TGS1: variants seen among roughly 807,000 people sequenced by gnomAD.
The protein encoded by TGS1 is trimethylguanosine synthase 1, also known as trimethylguanosine synthase.
Under a neutral mutation model 92.2 loss-of-function variants are expected in TGS1, and 69 were observed. The ratio of observed to expected loss-of-function variants is 0.75; its 90% CI spans 0.62 to 0.91. The LOEUF is 0.91. Among genes scored for constraint, TGS1 ranks in the 40% least tolerant of loss-of-function variants. The pLI is 0.00. For missense variants in TGS1, 1,062 were observed against 1,001.2 expected, an observed-to-expected ratio of 1.06 and a Z score of -0.82; for synonymous variants, 345 against 338.1, an observed-to-expected ratio of 1.02 and a Z score of -0.22.
At chr8:55,782,855 A>G (rs1811605203) in intron 2 of TGS1, 43 bp downstream of exon 2, 3 of 1,291,300 alleles carry the variant, frequency 2.3e-6, no homozygotes, top group Non-Finnish European at 3.3e-6. Context: ...TGCTGAAATT[A>G]GCCATAATGT....
intron 8 of TGS1, 88 bp downstream of exon 8, chr8:55,799,308 CTTCTG>C (rs1812154211): frequency 8.1e-7 from 1 of 1,241,518 alleles, no homozygotes; most frequent in African/African-American, 1.5e-5. Context: ...ACTTGTGAAT[CTTCTG>C]TACCTAAGGA....
intron 5 of TGS1, among the ~76,000 whole-genome samples, chr8:55,791,638 C>T (rs973301225): frequency 6.6e-6 from 1 of 152,190 alleles, no homozygotes; most frequent in Non-Finnish European, 1.5e-5. Flanking sequence ...AAACAACGTG[C>T]GTGACCTCTC....
chr8:55,812,604 T>C (rs1803368138), intron 11 of TGS1, among the ~76,000 whole-genome samples: 1 of 151,934 alleles, frequency 6.6e-6, no homozygotes, highest in Non-Finnish European at 1.5e-5. Context: ...TGAGGATCTC[T>C]TGAACCCAGG....
rs1040682059 is a variant in TGS1 at position 55,814,674 on chromosome 8, A to AATATAT, written c.2439+1575_2439+1580dup. Reference sequence around the variant, plus strand: ...CGTCTCTACTTAAAAAAAAAAAAAAAATATATATATATATATATATATATG... The same window carrying AATATAT: ...CGTCTCTACTTAAAAAAAAAAAAAAAATATATATATATATATATATATATATATATG... On this transcript the variant is annotated intron_variant, in intron 12 of 12. Transcript: ENST00000260129. 8.9e-4 allele frequency among the ~76,000 whole-genome samples: 110 copies of AATATAT among 123,328 alleles called. No homozygotes were observed. In the East Asian group the frequency reaches 0.013, roughly 15 times the overall value. 80.9% of individuals were successfully genotyped at this position (123,328 alleles called of 152,430 possible). A position where few individuals can be genotyped will look rare whatever the true frequency, so the allele number is the denominator to read the frequency against.
At position 55,799,162 on chromosome 8, in the gene TGS1, A is replaced by G. The variant is rs143298001; in HGVS notation, c.1791A>G (p.Pro597=). 1,951 of 1,614,220 alleles carry G rather than the reference A, an allele frequency of 1.2e-3. 3 individuals carry two copies. The highest frequency in any genetic ancestry group is 1.5e-3 in the Non-Finnish European group (1,824 of 1,180,024). Residue 597 remains proline, a synonymous_variant, in exon 8 of 13, where the codon CCA becomes CCG. Coordinates refer to ENST00000260129, the MANE Select transcript of TGS1 (RefSeq NM_024831.8). ...GAGACAGCTTGCTAGCAACTGTTCCAGATGAGCAGGATTGTGTTACTCAAG... is the reference window on the plus strand; with the variant it reads ...GAGACAGCTTGCTAGCAACTGTTCCGGATGAGCAGGATTGTGTTACTCAAG... The part of the protein sequence containing the change: ...YERDSLLATV[P]DEQDCVTQEV...
chr8:55,811,246 T>C, intron 11 of TGS1, 149 bp downstream of exon 11: 2 of 665,404 alleles, frequency 3.0e-6, no homozygotes, highest in Non-Finnish European at 5.0e-6. Context: ...GTGGATCACC[T>C]GAGGTCAGGA....
chr8:55,805,641 T>C (rs1420462683), intron 10 of TGS1, among the ~76,000 whole-genome samples: 1 of 152,114 alleles, frequency 6.6e-6, no homozygotes, highest in Non-Finnish European at 1.5e-5. Context: ...ATCCCGGCAC[T>C]TTGGTAGGCC....
intron 12 of TGS1, among the ~76,000 whole-genome samples, chr8:55,823,554 G>A (rs1325874756): frequency 2.0e-5 from 3 of 152,154 alleles, no homozygotes; most frequent in African/African-American, 7.2e-5. Flanking sequence ...TCCAAGGTGG[G>A]AGAAAAGAAA....
chr8:55,811,160 A>G (rs1057446025), intron 11 of TGS1, 63 bp downstream of exon 11: 3 of 395,872 alleles, frequency 7.6e-6, no homozygotes, highest in Non-Finnish European at 9.4e-6. Flanking sequence ...GGAGCATGAG[A>G]GTGAGAGAGG....
At chr8:55,823,319 A>G (rs1803701811) in intron 12 of TGS1, among the ~76,000 whole-genome samples, 2 of 152,230 alleles carry the variant, frequency 1.3e-5, no homozygotes. Context: ...GAACAAAAGA[A>G]TCTTTAGCAG....
At chr8:55,813,162 G>A in intron 12 of TGS1, 44 bp downstream of exon 12, 1 of 1,355,528 alleles carries the variant, frequency 7.4e-7, no homozygotes, top group Non-Finnish European at 1.1e-6. Context: ...TGTCTTAACT[G>A]TTACAAGTAC....
intron 1 of TGS1, 114 bp downstream of exon 1, chr8:55,773,833 G>A (rs1684229583): frequency 1.2e-6 from 1 of 812,320 alleles, no homozygotes; most frequent in African/African-American, 1.8e-5. Flanking sequence ...TCTGACCCTT[G>A]GGCACGGTGA....
intron 6 of TGS1, among the ~76,000 whole-genome samples, chr8:55,794,022 C>G (rs959819194): frequency 2.6e-5 from 4 of 152,110 alleles, no homozygotes; most frequent in African/African-American, 9.7e-5. Context: ...CATAGACACT[C>G]TTTCTTGTTG....
At position 55,791,902 on chromosome 8, in the gene TGS1, A is replaced by T. The variant is rs1046706832; in HGVS notation, c.1281-796A>T. 2.0e-5 allele frequency among the ~76,000 whole-genome samples: 3 copies of T among 152,226 alleles called. No individual in the cohort carries two copies. The East Asian group carries it at 5.8e-4, about 29-fold the overall frequency. ...ACTGTAAGTAACAAGGAAAGAATGGATCGTTACTGAACTTGGAAGTTAGCT... is the reference window on the plus strand; with the variant it reads ...ACTGTAAGTAACAAGGAAAGAATGGTTCGTTACTGAACTTGGAAGTTAGCT... On this transcript the variant is annotated intron_variant, in intron 5 of 12. Transcript: ENST00000260129.
Position 55,782,774 on chromosome 8 carries a change from TA to T in TGS1, c.132del (p.Gly45AlafsTer36). ...VEDRKLYNLG[L>X]KGYYIRDSGN... ...GATCGAAAATTGTACAATTTGGGAT[TA>T]AAAGGCTATTACATCAGAGACAGTG... On this transcript the variant is annotated frameshift_variant, in exon 2 of 13. Coordinates refer to ENST00000260129, the MANE Select transcript of TGS1 (RefSeq NM_024831.8). LOFTEE classifies it high-confidence loss of function. The T allele has an allele frequency of 6.2e-7, 1 of 1,611,028 alleles. No homozygotes were observed. Among genetic ancestry groups the T allele is most frequent in the Non-Finnish European group, 8.5e-7 (1 of 1,179,090 alleles).
Position 55,786,512 on chromosome 8 carries a change from A to T in TGS1, c.614A>T (p.Tyr205Phe), listed in dbSNP as rs373074276. The change falls in exon 4 of 13, where the codon TAT (tyrosine) becomes TTT (phenylalanine). Residue 205 changes from tyrosine to phenylalanine, a missense_variant. Physicochemically the swap from Tyr to Phe is conservative, Grantham distance 22 (BLOSUM62 3). Coordinates refer to ENST00000260129, the MANE Select transcript of TGS1 (RefSeq NM_024831.8). ...AAATGGGAAAAGTATTGGAATGAAT[A>T]TGGAGGAGGACTATTGTGGCAAAGT... is the stretch of plus-strand genomic sequence containing the variant. ...TEKWEKYWNE[Y>F]GGGLLWQSWQ... The T allele has an allele frequency of 5.0e-6, 8 of 1,614,086 alleles. No homozygotes were observed. Among genetic ancestry groups the T allele is most frequent in the Non-Finnish European group, 6.8e-6 (8 of 1,180,030 alleles).
At chr8:55,813,235 G>A in intron 12 of TGS1, 117 bp downstream of exon 12, 1 of 690,670 alleles carries the variant, frequency 1.4e-6, no homozygotes, top group South Asian at 2.1e-5. Flanking sequence ...CTGACTCACT[G>A]ACTATTCTTA....
intron 4 of TGS1, among the ~76,000 whole-genome samples, chr8:55,787,567 G>A (rs552347696): frequency 2.6e-4 from 39 of 152,302 alleles, no homozygotes; most frequent in Non-Finnish European, 4.7e-4. Flanking sequence ...TCCAGGATAA[G>A]GAACTTGATT....
chr8:55,818,684 C>G lies in TGS1; in HGVS notation c.2439+5566C>G, dbSNP rs564846057. ...TAGTTGACTTGGGAAGACACAAATG[C>G]AGCTTTGCTGAAATGCTTCTAAATA... is the stretch of plus-strand genomic sequence containing the variant. On this transcript the variant is annotated intron_variant, in intron 12 of 12. Transcript: ENST00000260129. Among the ~76,000 whole-genome samples, 3 of 152,314 alleles carry G rather than the reference C, an allele frequency of 2.0e-5. No homozygotes were observed. In the South Asian group the frequency reaches 6.2e-4, roughly 32 times the overall value.
Sources: gnomAD v4.1 joint callset for allele counts (sites outside exome capture counted in the v4.1 genomes callset) on GRCh38, gnomAD v4.1.1 for gene constraint, MANE v1.5 for transcripts, NCBI Gene and HGNC (gene_info 2026-07-23, HGNC 2026-07-21) for gene names.